The following GNB1L variants were observed in gnomAD, a reference collection of about 807,000 sequenced individuals.
The protein encoded by GNB1L is guanine nucleotide-binding protein subunit beta-like protein 1.
A neutral mutation model predicts 29.1 loss-of-function variants in GNB1L; 20 were observed. The ratio of observed to expected loss-of-function variants is 0.69; its 90% CI spans 0.48 to 1.00. The LOEUF is 1.00. Ranked by LOEUF, GNB1L falls within the 50% of genes least tolerant of loss-of-function variation. The probability of loss-of-function intolerance (pLI) is 0.00; values close to 1 mark genes in which losing one functional copy is unlikely to be tolerated. For missense variants in GNB1L, 421 were observed against 464.9 expected (o/e 0.91, Z 0.87); for synonymous variants, 193 against 206.5 (o/e 0.93, Z 0.56).
intron 7 of GNB1L, among the ~76,000 whole-genome samples, chr22:19,796,972 T>A (rs59279356): frequency 6.6e-6 from 1 of 151,986 alleles, no homozygotes; most frequent in African/African-American, 2.4e-5. Flanking sequence ...TAAACAATCA[T>A]CACAAGCAGT....
intron 6 of GNB1L, among the ~76,000 whole-genome samples, chr22:19,804,260 C>T (rs1450835033): frequency 6.6e-6 from 1 of 152,248 alleles, no homozygotes; most frequent in Non-Finnish European, 1.5e-5. Context: ...TCTTCTCTGC[C>T]CCCTCCCTGC....
intron 7 of GNB1L, among the ~76,000 whole-genome samples, chr22:19,798,721 G>A (rs1937334915): frequency 6.6e-6 from 1 of 152,192 alleles, no homozygotes; most frequent in Admixed American, 6.5e-5. Context: ...TCAGAAAGCA[G>A]TGACAGCATC....
At chr22:19,850,926 G>T in intron 2 of GNB1L, 1 of 1,363,126 alleles carries the variant, frequency 7.3e-7, no homozygotes, top group Non-Finnish European at 9.4e-7. Flanking sequence ...CCCAGAAGAC[G>T]GGCAGGGATG....
In GNB1L at chr22:19,788,874, C is replaced by G. The variant is rs1325911350; in HGVS notation, c.819G>C (p.Trp273Cys). The change falls in exon 8 of 8, where the codon TGG (tryptophan) becomes TGC (cysteine). Residue 273 changes from tryptophan to cysteine, a missense_variant. Coordinates refer to ENST00000329517, the MANE Select transcript of GNB1L (RefSeq NM_053004.3). Reference sequence around the variant, plus strand: ...AGTGGAACACGCGGATGCGGTGGTCCCAGCCTGCGGTGGCCAGGATCTTGC... The same window carrying G: ...AGTGGAACACGCGGATGCGGTGGTCGCAGCCTGCGGTGGCCAGGATCTTGC... ...PDRKILATAG[W>C]DHRIRVFHWR... is the part of the protein sequence containing the mutation. The G allele has an allele frequency of 2.5e-6, 4 of 1,612,896 alleles. No homozygotes were observed. Among genetic ancestry groups the G allele is most frequent in the Non-Finnish European group, 3.4e-6 (4 of 1,179,952 alleles).
chr22:19,806,072 C>T (rs1937430587), intron 6 of GNB1L, among the ~76,000 whole-genome samples: 1 of 152,150 alleles, frequency 6.6e-6, no homozygotes, highest in Admixed American at 6.5e-5. Context: ...GAGTCCCTCC[C>T]AGCAACCCCG....
At chr22:19,795,950 A>G (rs932590250) in intron 7 of GNB1L, among the ~76,000 whole-genome samples, 7 of 152,196 alleles carry the variant, frequency 4.6e-5, no homozygotes, top group African/African-American at 1.7e-4. Flanking sequence ...CTTGAGATGT[A>G]AGAACACCCA....
rs2073770 is a variant in GNB1L at position 19,802,018 on chromosome 22, A to T, written c.715T>A (p.Trp239Arg). Reference protein sequence around the residue: ...GKALAVWSLDWQQALQVRGTH... With the variant: ...GKALAVWSLDRQQALQVRGTH... ...GCACTGACCTGCAGGGCCTGCTGCC[A>T]GTCCAGGCTCCAGACAGCCAGCGCC... Residue 239 changes from tryptophan (W) to arginine (R), a missense_variant, in exon 7 of 8, where the codon TGG becomes AGG. Physicochemically the swap from Trp to Arg is moderately radical, Grantham distance 101. Transcript: ENST00000329517. The T allele has an allele frequency of 6.3e-7, 1 of 1,593,606 alleles. No homozygotes were observed. The highest frequency in any genetic ancestry group is 8.5e-7 in the Non-Finnish European group (1 of 1,170,692).
At chr22:19,789,033 G>A in intron 7 of GNB1L, 73 bp from the exon 8 acceptor site, 1 of 1,481,782 alleles carries the variant, frequency 6.7e-7, no homozygotes, top group South Asian at 1.3e-5. Flanking sequence ...TGCCCCACCT[G>A]CAGCTGGAAC....
intron 4 of GNB1L, among the ~76,000 whole-genome samples, chr22:19,815,827 G>A (rs1487258220): frequency 6.6e-6 from 1 of 152,158 alleles, no homozygotes; most frequent in Admixed American, 6.5e-5. Context: ...GCACACCTCA[G>A]CCTCCCTAAG....
At chr22:19,812,468 A>G (rs1479459689) in intron 4 of GNB1L, 21 bp from the exon 5 acceptor site, 2 of 1,603,256 alleles carry the variant, frequency 1.2e-6, no homozygotes, top group Non-Finnish European at 1.7e-6. Flanking sequence ...AAGAGGAGAC[A>G]GGCCTGAGAC....
At chr22:19,818,307 T>C (rs1410395715) in intron 4 of GNB1L, among the ~76,000 whole-genome samples, 1 of 152,244 alleles carries the variant, frequency 6.6e-6, no homozygotes, top group Non-Finnish European at 1.5e-5. Flanking sequence ...AGGGCTACAT[T>C]GTGGCTGAAA....
intron 5 of GNB1L, among the ~76,000 whole-genome samples, chr22:19,810,495 G>A (rs984444077): frequency 3.3e-5 from 5 of 152,138 alleles, no homozygotes; most frequent in Admixed American, 6.5e-5. Flanking sequence ...CTGGGTGCAG[G>A]GGAGTGGTGA....
intron 2 of GNB1L, chr22:19,846,468 C>A: frequency 5.1e-6 from 5 of 985,412 alleles, no homozygotes; most frequent in Non-Finnish European, 6.0e-6. Context: ...AACCCAGGGC[C>A]TGGGGGACTC....
intron 2 of GNB1L, among the ~76,000 whole-genome samples, chr22:19,829,114 G>T (rs944079487): frequency 6.6e-5 from 10 of 152,050 alleles, no homozygotes; most frequent in East Asian, 1.9e-4. Context: ...TTACAGGCAT[G>T]AGCCACCGTG....
At chr22:19,850,654 C>G in intron 2 of GNB1L, 1 of 1,227,822 alleles carries the variant, frequency 8.1e-7, no homozygotes, top group Non-Finnish European at 1.0e-6. Flanking sequence ...TTCCTCCAGG[C>G]AGCCTTCCTC....
At chr22:19,845,758 G>A (rs779770591) in intron 2 of GNB1L, among the ~76,000 whole-genome samples, 3 of 151,820 alleles carry the variant, frequency 2.0e-5, no homozygotes, top group Admixed American at 6.6e-5. Flanking sequence ...GCTGTCCAGC[G>A]ACAAGGCACC....
chr22:19,836,987 G>A (rs1937774810), intron 2 of GNB1L, among the ~76,000 whole-genome samples: 1 of 146,182 alleles, frequency 6.8e-6, no homozygotes, highest in Middle Eastern at 3.5e-3. Flanking sequence ...TTTTTTTTGA[G>A]ATGGAGTCTC....
In GNB1L at chr22:19,821,465, G is replaced by A. The variant is rs1053545515; in HGVS notation, c.-20-90C>T. 6.2e-6 allele frequency: 8 copies of A among 1,286,562 alleles called. No individual in the cohort carries two copies. In the African/African-American group the frequency reaches 1.2e-4, roughly 19 times the overall value. The allele number at this position is 1,286,562 out of a possible 1,614,324, so 79.7% of individuals were successfully genotyped here. On this transcript the variant is annotated intron_variant, in intron 2 of 7. Transcript: ENST00000329517. ...CAGGCACAGGGGTGCTTGAGATGTT[G>A]CCCCTGCTCATTGTCTCTGGCCCTG... is the stretch of plus-strand genomic sequence containing the variant.
In GNB1L at chr22:19,788,955, A is replaced by G. The variant is rs749839862; in HGVS notation, c.738T>C (p.Arg246=). ...CGGGATTGGTGAGTTCATGAGTCCCACGCACCTGTGAGAGTTGGGAGAGGT... is the reference window on the plus strand; with the variant it reads ...CGGGATTGGTGAGTTCATGAGTCCCGCGCACCTGTGAGAGTTGGGAGAGGT... ...SLDWQQALQV[R]GTHELTNPGI... is the part of the protein sequence containing the mutation. The change falls in exon 8 of 8, where the codon CGT becomes CGC. Residue 246 remains arginine, a synonymous_variant. Coordinates refer to ENST00000329517, the MANE Select transcript of GNB1L (RefSeq NM_053004.3). 1 of 1,601,438 alleles carries G rather than the reference A, an allele frequency of 6.2e-7. No homozygotes were observed. Among genetic ancestry groups the G allele is most frequent in the South Asian group, 1.1e-5 (1 of 90,160 alleles).
Sources: gnomAD v4.1 joint callset for allele counts (sites outside exome capture counted in the v4.1 genomes callset) on GRCh38, gnomAD v4.1.1 for gene constraint, MANE v1.5 for transcripts, NCBI Gene and HGNC (gene_info 2026-07-23, HGNC 2026-07-21) for gene names.